SGCD: variants seen among roughly 807,000 people sequenced by gnomAD.
SGCD encodes the protein delta-sarcoglycan.
In SGCD, 18 loss-of-function variants were observed where a neutral mutation model predicts 36.6. That is an observed-to-expected ratio of 0.49 (90% confidence interval 0.34 to 0.73). The LOEUF is 0.73. SGCD is among the 30% of genes least tolerant of loss of function. SGCD has a pLI of 0.01. For synonymous variants in SGCD, 133 were observed against 130.6 expected (o/e 1.02, Z -0.12); for missense variants, 387 against 346.7 (o/e 1.12, Z -0.92).
intron 3 of SGCD, among the ~76,000 whole-genome samples, chr5:156,434,374 A>G (rs1416991749): frequency 3.3e-5 from 5 of 152,184 alleles, no homozygotes; most frequent in African/African-American, 7.2e-5. Context: ...AAACACACAG[A>G]GGGGAAATGT....
At chr5:156,122,288 C>T (rs943707035) in intron 2 of SGCD, among the ~76,000 whole-genome samples, 1 of 152,034 alleles carries the variant, frequency 6.6e-6, no homozygotes, top group Non-Finnish European at 1.5e-5. Context: ...AGCAGAATAC[C>T]CGAGATAGAA....
intron 3 of SGCD, among the ~76,000 whole-genome samples, chr5:156,219,413 G>A (rs1347758161): frequency 1.3e-5 from 2 of 152,100 alleles, no homozygotes; most frequent in African/African-American, 4.8e-5. Flanking sequence ...CTTTAATGAA[G>A]GAGAATTTCC....
intron 1 of SGCD, among the ~76,000 whole-genome samples, chr5:155,946,071 C>T (rs982504804): frequency 2.6e-5 from 4 of 152,030 alleles, no homozygotes; most frequent in East Asian, 1.9e-4. Context: ...AGGTGTCAAG[C>T]GTGACTCTTA....
rs149251348 is a variant in SGCD at position 156,316,042 on chromosome 5, G to A, written c.-43-13492G>A. Among the ~76,000 whole-genome samples, 73 of 152,018 alleles carry A rather than the reference G, an allele frequency of 4.8e-4. 2 individuals are homozygous for A. In the East Asian group the frequency reaches 0.013, roughly 26 times the overall value. On this transcript the variant is annotated intron_variant, in intron 3 of 9. Coordinates refer to the SGCD transcript ENST00000517913. ...GGAAGAAGTAGAACTGTCTCTGTTTGAGGAGTGTATTAACTTATACGTAGA... is the reference window on the plus strand; with the variant it reads ...GGAAGAAGTAGAACTGTCTCTGTTTAAGGAGTGTATTAACTTATACGTAGA...
chr5:156,545,553 C>A (rs1758537189), intron 4 of SGCD, among the ~76,000 whole-genome samples: 1 of 152,100 alleles, frequency 6.6e-6, no homozygotes, highest in South Asian at 2.1e-4. Context: ...GCACTAGACT[C>A]TCATAAGGAG....
Position 156,759,924 on chromosome 5 carries a change from C to CCT in SGCD, c.*537_*538dup, listed in dbSNP as rs1561901432. On this transcript the variant is annotated 3_prime_UTR_variant, in exon 9 of 9. Coordinates refer to ENST00000337851, the MANE Select transcript of SGCD (RefSeq NM_000337.6). ...CTTTAGTAAGGCTGGCTAACTTCCCCCTCTTCAAGCTAGGAACTGGCAATG... is the reference window on the plus strand; with the variant it reads ...CTTTAGTAAGGCTGGCTAACTTCCCCCTCTCTTCAAGCTAGGAACTGGCAATG... 6.6e-6 allele frequency: 1 copy of CCT among 152,138 alleles called. No individual in the cohort carries two copies. The highest frequency in any genetic ancestry group is 1.5e-5 in the Non-Finnish European group (1 of 68,036). The allele number at this position is 152,138 out of a possible 1,614,324, so 9.4% of individuals were successfully genotyped here.
rs181022997 is a variant in SGCD at position 156,061,153 on chromosome 5, C to A, written c.-281-56725C>A. ...TATTAATGAGTCTATAAGATTTTAA[C>A]CCCTGTAAAAATTGCAACTATTTTT... On this transcript the variant is annotated intron_variant, in intron 1 of 9. Transcript: ENST00000517913. 1.0e-4 allele frequency among the ~76,000 whole-genome samples: 15 copies of A among 144,138 alleles called. 4 individuals carry two copies. Among genetic ancestry groups the A allele is most frequent in the Non-Finnish European group, 2.2e-4 (14 of 64,792 alleles). The allele number at this position is 144,138 out of a possible 152,430, so 94.6% of individuals were successfully genotyped here.
chr5:155,878,192 C>G (rs576417760), intron 1 of SGCD, among the ~76,000 whole-genome samples: 3 of 152,168 alleles, frequency 2.0e-5, no homozygotes, highest in South Asian at 4.1e-4. Flanking sequence ...AGTGATATAA[C>G]CTGCAGGAAT....
At chr5:155,938,286 A>G (rs1296867911) in intron 1 of SGCD, among the ~76,000 whole-genome samples, 1 of 152,224 alleles carries the variant, frequency 6.6e-6, no homozygotes, top group Non-Finnish European at 1.5e-5. Context: ...TGCAGGCCAC[A>G]GGTGCCAGCT....
chr5:156,155,595 A>G (rs1030078756), intron 3 of SGCD, among the ~76,000 whole-genome samples: 1 of 144,752 alleles, frequency 6.9e-6, no homozygotes, highest in African/African-American at 2.6e-5. Flanking sequence ...AGACAAACCT[A>G]GTAATGTCGT....
At chr5:156,278,487 A>C (rs1481668742) in intron 3 of SGCD, among the ~76,000 whole-genome samples, 1 of 152,172 alleles carries the variant, frequency 6.6e-6, no homozygotes, top group African/African-American at 2.4e-5. Context: ...GGAAACAAAG[A>C]AGTTCAACTC....
intron 6 of SGCD, among the ~76,000 whole-genome samples, chr5:156,627,512 C>T (rs1581280984): frequency 6.6e-6 from 1 of 152,254 alleles, no homozygotes; most frequent in South Asian, 2.1e-4. Flanking sequence ...GAGAGGATTT[C>T]CTGAGTGGTG....
chr5:156,504,236 A>T (rs1191094714), intron 3 of SGCD, among the ~76,000 whole-genome samples: 1 of 151,756 alleles, frequency 6.6e-6, no homozygotes, highest in African/African-American at 2.4e-5. Flanking sequence ...TAAAGTACAG[A>T]TAAGCAAAAA....
chr5:156,422,160 A>C (rs1773339033), intron 3 of SGCD, among the ~76,000 whole-genome samples: 1 of 151,966 alleles, frequency 6.6e-6, no homozygotes, highest in African/African-American at 2.4e-5. Flanking sequence ...AGCACTGTTC[A>C]CTTGGGGGAA....
intron 3 of SGCD, among the ~76,000 whole-genome samples, chr5:156,286,841 A>G (rs932204470): frequency 2.6e-5 from 4 of 152,104 alleles, no homozygotes; most frequent in Non-Finnish European, 5.9e-5. Flanking sequence ...AAAAGAGCAC[A>G]TACAATGCTG....
chr5:156,015,158 T>A (rs1480701798), intron 1 of SGCD, among the ~76,000 whole-genome samples: 1 of 152,216 alleles, frequency 6.6e-6, no homozygotes, highest in African/African-American at 2.4e-5. Flanking sequence ...TTCTAACTCC[T>A]CTGTACCTTC....
the SGCD span, among the ~76,000 whole-genome samples, chr5:155,831,082 C>A: frequency 6.6e-6 from 1 of 152,196 alleles, no homozygotes; most frequent in Non-Finnish European, 1.5e-5. Flanking sequence ...TTGAACCTTT[C>A]TCTGGTTAGA....
chr5:155,928,654 G>A (rs367674716), intron 1 of SGCD, among the ~76,000 whole-genome samples: 3 of 120,180 alleles, frequency 2.5e-5, no homozygotes, highest in South Asian at 2.9e-4. Context: ...CTGACAGAGT[G>A]AGACTCTGTC....
At chr5:156,165,143 A>T (rs1190967327) in intron 3 of SGCD, among the ~76,000 whole-genome samples, 1 of 152,198 alleles carries the variant, frequency 6.6e-6, no homozygotes, top group Admixed American at 6.5e-5. Flanking sequence ...GGGCTGCAGG[A>T]GTTCCGGAGG....
Sources: allele counts gnomAD v4.1 joint callset (sites outside exome capture counted in the v4.1 genomes callset), GRCh38; gene constraint gnomAD v4.1.1; transcripts MANE v1.5; gene names NCBI Gene and HGNC (gene_info 2026-07-23, HGNC 2026-07-21).